Variants in TOGARAM2 observed in about 807,000 individuals in gnomAD.
The protein encoded by TOGARAM2 is TOG array regulator of axonemal microtubules 2.
A neutral mutation model predicts 93.3 loss-of-function variants in TOGARAM2; 85 were observed. The ratio of observed to expected loss-of-function variants is 0.91; its 90% CI spans 0.76 to 1.09. The LOEUF (loss-of-function observed/expected upper bound fraction) is 1.09, where lower values mean the gene tolerates loss of function less well. TOGARAM2 is among the 50% of genes least tolerant of loss of function. The pLI, the probability that TOGARAM2 is intolerant of heterozygous loss-of-function variation, is 0.00. For missense variants in TOGARAM2, 1,277 were observed against 1,334.5 expected (o/e 0.96, Z 0.67); for synonymous variants, 593 against 552.8 (o/e 1.07, Z -1.02).
intron 18 of TOGARAM2, among the ~76,000 whole-genome samples, chr2:29,044,085 G>A (rs1457414789): frequency 6.6e-6 from 1 of 152,172 alleles, no homozygotes; most frequent in African/African-American, 2.4e-5. Flanking sequence ...ATACAAATGG[G>A]GTGGTGCTCA....
At position 29,035,590 on chromosome 2, in the gene TOGARAM2, A is replaced by C. The variant is rs778217200; in HGVS notation, c.2352A>C (p.Glu784Asp). The C allele has an allele frequency of 6.3e-7, 1 of 1,589,680 alleles. No individual in the cohort carries two copies. Among genetic ancestry groups the C allele is most frequent in the Admixed American group, 1.7e-5 (1 of 57,806 alleles). Residue 784 changes from glutamate to aspartate, a missense_variant, in exon 17 of 20, where the codon GAA (glutamate) becomes GAC (aspartate). By Grantham distance (45) the Glu-to-Asp change is conservative. Coordinates refer to ENST00000379558, the MANE Select transcript of TOGARAM2 (RefSeq NM_199280.4). ...LEAKDFRSRM[E>D]GVGQLLELCK... ...CCAAGGACTTCCGGTCCCGGATGGA[A>C]GGCGTGGGGCAGCTCCTGGAGCTCT...
intron 14 of TOGARAM2, 96 bp downstream of exon 14, chr2:29,027,107 G>T: frequency 7.8e-7 from 1 of 1,279,992 alleles, no homozygotes; most frequent in Non-Finnish European, 1.1e-6. Context: ...CTGGGATCCT[G>T]CAGAGGGACA....
intron 18 of TOGARAM2, among the ~76,000 whole-genome samples, chr2:29,040,472 A>G (rs565035236): frequency 6.6e-6 from 1 of 152,366 alleles, no homozygotes; most frequent in East Asian, 1.9e-4. Context: ...GTTGTAGGGT[A>G]AATCCACCTG....
At chr2:28,985,437 G>A (rs191942461) in intron 1 of TOGARAM2, among the ~76,000 whole-genome samples, 384 of 151,228 alleles carry the variant, frequency 2.5e-3, no homozygotes, top group Non-Finnish European at 3.3e-3. Context: ...GTGTGATCTC[G>A]GCTCATTAAC....
At chr2:28,984,269 C>G (rs929435148) in intron 1 of TOGARAM2, among the ~76,000 whole-genome samples, 16 of 152,104 alleles carry the variant, frequency 1.1e-4, no homozygotes, top group Non-Finnish European at 5.9e-5. Flanking sequence ...TCCACAGAAG[C>G]CATTTATATT....
rs191399194 is a variant in TOGARAM2, at chr2:28,986,728, T to C, written c.-111+5190T>C. On this transcript the variant is annotated intron_variant, in intron 1 of 19. Coordinates refer to ENST00000379558, the MANE Select transcript of TOGARAM2 (RefSeq NM_199280.4). ...TCTGTAGCTTCTTGGCCCAAAGGCT[T>C]TCAAAAGGGACATTTCCCCTCTTCC... is the stretch of plus-strand genomic sequence containing the variant. Among the ~76,000 whole-genome samples, 237 of 152,270 alleles carry C rather than the reference T, an allele frequency of 1.6e-3. 1 individual carries two copies. Among genetic ancestry groups the C allele is most frequent in the Non-Finnish European group, 2.9e-3 (194 of 68,016 alleles).
rs1553334840 is a variant in TOGARAM2, at chr2:28,983,177, A to AATATATATATATAT, written c.-111+1648_-111+1661dup. Reference sequence around the variant, plus strand: ...TAATCTTTGTGTGTGTGTATATATAAATATATATATATATATATATATTTT... The same window carrying AATATATATATATAT: ...TAATCTTTGTGTGTGTGTATATATAAATATATATATATATATATATATATATATATATATATTTT... On this transcript the variant is annotated intron_variant, in intron 1 of 19. Coordinates refer to ENST00000379558, the MANE Select transcript of TOGARAM2 (RefSeq NM_199280.4). 4.6e-4 allele frequency among the ~76,000 whole-genome samples: 15 copies of AATATATATATATAT among 32,388 alleles called. 1 individual carries two copies. Among genetic ancestry groups the AATATATATATATAT allele is most frequent in the African/African-American group, 1.5e-3 (12 of 7,848 alleles). 21.2% of individuals were successfully genotyped at this position (32,388 alleles called of 152,430 possible).
chr2:29,036,471 G>A (rs375236887), intron 17 of TOGARAM2, 70 bp from the exon 18 acceptor site: 1 of 1,498,016 alleles, frequency 6.7e-7, no homozygotes, highest in African/African-American at 1.4e-5. Context: ...TGAGCTCCAA[G>A]CTGCCTGCAC....
chr2:28,977,321 T>G (rs1034226292), upstream of TOGARAM2, among the ~76,000 whole-genome samples: 1 of 152,068 alleles, frequency 6.6e-6, no homozygotes, highest in African/African-American at 2.4e-5. Flanking sequence ...GAGACAGAGA[T>G]GGGGGAGGCG....
chr2:29,040,220 CTTCT>C (rs1666348730), intron 18 of TOGARAM2, among the ~76,000 whole-genome samples: 1 of 152,106 alleles, frequency 6.6e-6, no homozygotes, highest in African/African-American at 2.4e-5. Context: ...TTTGATTTTG[CTTCT>C]TTCATTTAAC....
intron 4 of TOGARAM2, 116 bp downstream of exon 4, chr2:28,999,584 G>A: frequency 1.7e-6 from 2 of 1,209,446 alleles, no homozygotes; most frequent in South Asian, 1.6e-5. Flanking sequence ...TGCCCTGGGG[G>A]TGATCGGTGG....
intron 1 of TOGARAM2, among the ~76,000 whole-genome samples, chr2:28,983,148 C>T (rs928415384): frequency 2.8e-5 from 4 of 143,752 alleles, no homozygotes; most frequent in East Asian, 2.0e-4. Context: ...CCACCATGCC[C>T]GGCTAATCTT....
chr2:29,017,792 G>A lies in TOGARAM2; in HGVS notation c.1196G>A (p.Gly399Asp). Reference sequence around the variant, plus strand: ...CCTAGGACTTTCTCTGTGTCCACAGGCCTCCTTCCCCTCCGGGGCAGCGGG... The same window carrying A: ...CCTAGGACTTTCTCTGTGTCCACAGACCTCCTTCCCCTCCGGGGCAGCGGG... ...LGSQRAFMKE[G>D]LLPLRGSGTL... Residue 399 changes from glycine to aspartate, a missense_variant and splice_region_variant, in exon 10 of 20, where the codon GGC becomes GAC. Transcript: ENST00000379558. 2 of 1,606,168 alleles carry A rather than the reference G, an allele frequency of 1.2e-6. No individual in the cohort carries two copies. The highest frequency in any genetic ancestry group is 1.7e-6 in the Non-Finnish European group (2 of 1,175,492).
intron 12 of TOGARAM2, 59 bp downstream of exon 12, chr2:29,023,250 T>C: frequency 1.4e-6 from 2 of 1,392,196 alleles, no homozygotes; most frequent in South Asian, 2.5e-5. Flanking sequence ...CTGGATGCAG[T>C]CCGCTAGCAG....
intron 1 of TOGARAM2, among the ~76,000 whole-genome samples, chr2:28,988,132 G>A (rs958959023): frequency 6.6e-6 from 1 of 152,188 alleles, no homozygotes; most frequent in Non-Finnish European, 1.5e-5. Flanking sequence ...TGGGCTCTAC[G>A]GTAGGCTTGG....
At chr2:28,961,362 G>A (rs1410555465) in intron 1 of TOGARAM2, among the ~76,000 whole-genome samples, 1 of 152,100 alleles carries the variant, frequency 6.6e-6, no homozygotes, top group East Asian at 1.9e-4. Flanking sequence ...TTTGGAGGCA[G>A]AATCTTTCTC....
chr2:28,975,622 A>C (rs575296790), intron 1 of TOGARAM2, among the ~76,000 whole-genome samples: 1 of 152,334 alleles, frequency 6.6e-6, no homozygotes, highest in African/African-American at 2.4e-5. Context: ...TGGGCGCTGC[A>C]TCATTGATTG....
In TOGARAM2 at chr2:28,998,133, C is replaced by G; in HGVS notation, c.29-10C>G. 6.3e-7 allele frequency: 1 copy of G among 1,588,436 alleles called. No homozygotes were observed. Among genetic ancestry groups the G allele is most frequent in the Non-Finnish European group, 8.6e-7 (1 of 1,166,026 alleles). ...TCTCAGGTGCTGCTCTCCTGTGCTT[C>G]TGTCTCCAGCCAAGGTCCTGGTCCC... On this transcript the variant is annotated splice_polypyrimidine_tract_variant and intron_variant, in intron 2 of 19. Transcript: ENST00000379558.
chr2:28,989,197 G>C (rs905316109), intron 1 of TOGARAM2, among the ~76,000 whole-genome samples: 1 of 151,632 alleles, frequency 6.6e-6, no homozygotes, highest in African/African-American at 2.4e-5. Flanking sequence ...TTAAAGACTT[G>C]TGCTACCACA....
Sources: gnomAD v4.1 joint callset for allele counts (sites outside exome capture counted in the v4.1 genomes callset) on GRCh38, gnomAD v4.1.1 for gene constraint, MANE v1.5 for transcripts, NCBI Gene and HGNC (gene_info 2026-07-23, HGNC 2026-07-21) for gene names.